The following WSCD1 variants were observed in gnomAD, a reference collection of about 807,000 sequenced individuals.
WSCD1 encodes WSC domain sialate O sulfotransferase 1.
Under a neutral mutation model 60.4 loss-of-function variants are expected in WSCD1, and 41 were observed. The observed-to-expected ratio is 0.68, with a 90% confidence interval of 0.53 to 0.88. WSCD1 has a LOEUF of 0.88. WSCD1 is among the 40% of genes least tolerant of loss of function. The pLI, the probability that WSCD1 is intolerant of heterozygous loss-of-function variation, is 0.00. For missense variants in WSCD1, 784 were observed against 796.2 expected (o/e 0.98, Z 0.18); for synonymous variants, 361 against 332.5 (o/e 1.09, Z -0.93).
In WSCD1 at chr17:6,122,563, G is replaced by C. The variant is rs185032562; in HGVS notation, c.*1902G>C. On this transcript the variant is annotated 3_prime_UTR_variant, in exon 9 of 9. Transcript: ENST00000317744. ...GGAGTTTCCACACTGCTGTGGACGG[G>C]ATAGCCAGGGCAGACCTGCATCCCA... 1 of 152,272 alleles carries C rather than the reference G, an allele frequency of 6.6e-6. No homozygotes were observed. Among genetic ancestry groups the C allele is most frequent in the African/African-American group, 2.4e-5 (1 of 41,448 alleles). The allele number at this position is 152,272 out of a possible 1,614,324, so 9.4% of individuals were successfully genotyped here.
intron 5 of WSCD1, 145 bp downstream of exon 5, chr17:6,095,368 C>T (rs1475698210): frequency 1.1e-5 from 13 of 1,151,858 alleles, no homozygotes; most frequent in African/African-American, 1.6e-5. Flanking sequence ...GGGAGGCAGG[C>T]ACCAGGTACC....
chr17:6,086,852 G>A lies in WSCD1; in HGVS notation c.428-1138G>A, dbSNP rs185819901. 2.4e-3 allele frequency among the ~76,000 whole-genome samples: 369 copies of A among 152,258 alleles called. 2 individuals are homozygous for A. The highest frequency in any genetic ancestry group is 6.8e-3 in the Middle Eastern group (2 of 294). On this transcript the variant is annotated intron_variant, in intron 2 of 8. Coordinates refer to ENST00000317744, the MANE Select transcript of WSCD1 (RefSeq NM_015253.2). ...CCCTCACGGAGCATCCAGGCCTGTG[G>A]ACCATCAGGACTTTTCTCCTCACTA...
chr17:6,087,095 C>T (rs1323026995), intron 2 of WSCD1, among the ~76,000 whole-genome samples: 1 of 152,182 alleles, frequency 6.6e-6, no homozygotes, highest in Non-Finnish European at 1.5e-5. Context: ...GGCTTGGGGA[C>T]TGTGTGACGG....
intron 5 of WSCD1, among the ~76,000 whole-genome samples, chr17:6,097,216 TGAG>T (rs1910498854): frequency 1.3e-5 from 2 of 152,122 alleles, no homozygotes; most frequent in South Asian, 4.1e-4. Flanking sequence ...ACGGAGAAGA[TGAG>T]GAGGAAGAGA....
chr17:6,092,611 G>A (rs1264985815), intron 4 of WSCD1, among the ~76,000 whole-genome samples: 1 of 152,130 alleles, frequency 6.6e-6, no homozygotes, highest in African/African-American at 2.4e-5. Context: ...GCTTCCTGAG[G>A]ACCAAACTGC....
At chr17:6,069,856 G>A (rs867326922), upstream of WSCD1, among the ~76,000 whole-genome samples, 1 of 151,726 alleles carries the variant, frequency 6.6e-6, no homozygotes, top group South Asian at 2.1e-4. Context: ...GTGTGGCTGT[G>A]TGTGTACGTG....
intron 5 of WSCD1, among the ~76,000 whole-genome samples, chr17:6,104,163 C>T (rs1327759726): frequency 6.6e-6 from 1 of 152,072 alleles, no homozygotes; most frequent in East Asian, 1.9e-4. Flanking sequence ...AGGTGCCAGG[C>T]TCCTATAAAC....
rs3809841 is a variant in WSCD1 at position 6,121,466 on chromosome 17, G to T, written c.*805G>T. 0.4 allele frequency: 60,905 copies of T among 152,072 alleles called. 13,000 individuals are homozygous for T. Among genetic ancestry groups the T allele is most frequent in the South Asian group, 0.64 (3,104 of 4,814 alleles). The allele number at this position is 152,072 out of a possible 1,614,324, so 9.4% of individuals were successfully genotyped here. On this transcript the variant is annotated 3_prime_UTR_variant, in exon 9 of 9. Coordinates refer to ENST00000317744, the MANE Select transcript of WSCD1 (RefSeq NM_015253.2). ...TTCAACCCCTCCTACACCATGCTCC[G>T]GGGCCTGGGGCCTCCTTGCCTGGCT...
rs1253325203 is a variant in WSCD1, at chr17:6,122,537, A to C, written c.*1876A>C. The C allele has an allele frequency of 1.3e-5, 2 of 152,272 alleles. No homozygotes were observed. The highest frequency in any genetic ancestry group is 2.4e-5 in the African/African-American group (1 of 41,460). The allele number at this position is 152,272 out of a possible 1,614,324, so 9.4% of individuals were successfully genotyped here. A position where few individuals can be genotyped will look rare whatever the true frequency, so the allele number is the denominator to read the frequency against. On this transcript the variant is annotated 3_prime_UTR_variant, in exon 9 of 9. Coordinates refer to ENST00000317744, the MANE Select transcript of WSCD1 (RefSeq NM_015253.2). ...GTATCAGGAGCAATTGAGACCCCTC[A>C]GGAGTTTCCACACTGCTGTGGACGG... is the stretch of plus-strand genomic sequence containing the variant.
intron 2 of WSCD1, 143 bp from the exon 3 acceptor site, chr17:6,087,847 G>A (rs1909757901): frequency 8.0e-6 from 5 of 625,238 alleles, no homozygotes; most frequent in Admixed American, 2.7e-5. Flanking sequence ...CACTGAGTGG[G>A]AGGGAGGTAG....
rs1346957086 is a variant in WSCD1 at position 6,109,704 on chromosome 17, G to T, written c.947G>T (p.Gly316Val). Residue 316 changes from glycine to valine, a missense_variant, in exon 6 of 9, where the codon GGC becomes GTC. Gly to Val is a moderately radical substitution (Grantham distance 109, BLOSUM62 -3). Coordinates refer to ENST00000317744, the MANE Select transcript of WSCD1 (RefSeq NM_015253.2). ...LRDAMDSSVC[G>V]QDPEAQRLAE... is the part of the protein sequence containing the mutation. ...GATGCCATGGACAGCTCAGTATGTG[G>T]CCAGGACCCTGAGGCACAGAGGCTG... 1 of 1,614,016 alleles carries T rather than the reference G, an allele frequency of 6.2e-7. No homozygotes were observed. The highest frequency in any genetic ancestry group is 1.7e-5 in the Admixed American group (1 of 60,002).
At chr17:6,105,126 A>G (rs1911012801) in intron 5 of WSCD1, among the ~76,000 whole-genome samples, 1 of 152,220 alleles carries the variant, frequency 6.6e-6, no homozygotes, top group Non-Finnish European at 1.5e-5. Flanking sequence ...CGCCAGCCTC[A>G]GAGCCCTGCC....
rs1908809084 is a variant in WSCD1 at position 6,075,713 on chromosome 17, C to T, written c.-288-4658C>T. Among the ~76,000 whole-genome samples, 2 of 152,118 alleles carry T rather than the reference C, an allele frequency of 1.3e-5. No individual in the cohort carries two copies. The highest frequency in any genetic ancestry group is 6.5e-5 in the Admixed American group (1 of 15,268). The stretch of plus-strand genomic sequence containing the variant: ...ACCCCAGGACAGGGCAGTGGGTGTG[C>T]ACCTTTGTCCAGCCCTGGCGTGCCC... On this transcript the variant is annotated intron_variant, in intron 1 of 8. Coordinates refer to ENST00000317744, the MANE Select transcript of WSCD1 (RefSeq NM_015253.2). The surrounding 1 kb of genome is among the most constrained non-coding windows in gnomAD (Gnocchi z 4.1).
chr17:6,116,308 C>T (rs1911680976), intron 7 of WSCD1, among the ~76,000 whole-genome samples: 1 of 152,136 alleles, frequency 6.6e-6, no homozygotes, highest in African/African-American at 2.4e-5. Context: ...TCGACACTGC[C>T]TCAGAAATGC....
intron 5 of WSCD1, among the ~76,000 whole-genome samples, chr17:6,097,414 C>T (rs1015817446): frequency 2.6e-5 from 4 of 152,260 alleles, no homozygotes; most frequent in African/African-American, 9.6e-5. Context: ...TCCAGAGAGA[C>T]TGAATATTCA....
chr17:6,088,162 C>T (rs1009080402), intron 3 of WSCD1, 58 bp downstream of exon 3: 20 of 1,459,264 alleles, frequency 1.4e-5, no homozygotes, highest in South Asian at 4.6e-5. Context: ...AGGGACAGTT[C>T]CAGAATGAGG....
chr17:6,072,992 C>T (rs28711872), intron 1 of WSCD1, among the ~76,000 whole-genome samples: 74,643 of 152,092 alleles, frequency 0.49, 18,427 homozygotes, highest in South Asian at 0.55. Context: ...CCCTTCACTT[C>T]GCTTCCCTTC....
intron 3 of WSCD1, among the ~76,000 whole-genome samples, chr17:6,089,564 G>A (rs1035327606): frequency 6.6e-6 from 1 of 152,192 alleles, no homozygotes; most frequent in Non-Finnish European, 1.5e-5. Flanking sequence ...ACACGTGGCA[G>A]GCACTTCAGA....
chr17:6,117,854 C>T, intron 7 of WSCD1, 134 bp from the exon 8 acceptor site: 1 of 866,378 alleles, frequency 1.2e-6, no homozygotes, highest in Non-Finnish European at 1.8e-6. Flanking sequence ...CATAGGTCCT[C>T]TCAGTGTCCT....
Sources: gnomAD v4.1 joint callset for allele counts (sites outside exome capture counted in the v4.1 genomes callset) on GRCh38, gnomAD v4.1.1 for gene constraint, Gnocchi (gnomAD v3.1) non-coding constraint, MANE v1.5 for transcripts, NCBI Gene and HGNC (gene_info 2026-07-23, HGNC 2026-07-21) for gene names.